The following CTIF variants were observed in gnomAD, a reference collection of about 807,000 sequenced individuals.
CTIF encodes cap binding complex dependent translation initiation factor.
A neutral mutation model predicts 66.0 loss-of-function variants in CTIF; 21 were observed. The observed-to-expected ratio is 0.32, with a 90% CI of 0.23 to 0.46. The LOEUF (loss-of-function observed/expected upper bound fraction) is 0.46, where lower values mean the gene tolerates loss of function less well. Among genes scored for constraint, CTIF ranks in the 20% least tolerant of loss-of-function variants. The pLI, the probability that CTIF is intolerant of heterozygous loss-of-function variation, is 1.00. For missense variants in CTIF, 739 were observed against 812.7 expected (o/e 0.91, Z 1.10); for synonymous variants, 345 against 326.4 (o/e 1.06, Z -0.62).
chr18:48,611,205 T>A (rs917039843), intron 1 of CTIF, among the ~76,000 whole-genome samples: 7 of 152,194 alleles, frequency 4.6e-5, no homozygotes, highest in African/African-American at 1.2e-4. Flanking sequence ...AGCATAGATA[T>A]CAGGAACTAC....
At chr18:48,595,320 C>G (rs2144044406) in intron 1 of CTIF, among the ~76,000 whole-genome samples, 1 of 152,300 alleles carries the variant, frequency 6.6e-6, no homozygotes, top group South Asian at 2.1e-4. Context: ...CCTTCCAGGT[C>G]TCAGTTAGGA....
chr18:48,711,706 C>A lies in CTIF; in HGVS notation c.584+11C>A. The A allele has an allele frequency of 6.2e-7, 1 of 1,611,654 alleles. No homozygotes were observed. Among genetic ancestry groups the A allele is most frequent in the Non-Finnish European group, 8.5e-7 (1 of 1,177,778 alleles). The stretch of plus-strand genomic sequence containing the variant: ...GAGAAATGATCGAAGGTAGGAGAGA[C>A]TTCGTCGTGAGCTTTGGGTTTTCCT... On this transcript the variant is annotated intron_variant, in intron 7 of 11. Transcript: ENST00000256413.
intron 1 of CTIF, among the ~76,000 whole-genome samples, chr18:48,547,433 T>G (rs2088777845): frequency 2.0e-5 from 3 of 152,160 alleles, no homozygotes; most frequent in South Asian, 4.1e-4. Flanking sequence ...GTTCCTACAG[T>G]TTCAAACTCA....
Position 48,619,528 on chromosome 18 carries a change from T to C in CTIF, c.-28-10T>C, listed in dbSNP as rs1397450289. ...CGTCTCACGGAGTTCTCTGTCCTCTTTCCCACCAGTCCCGGCCCAGGCCCC... is the reference window on the plus strand; with the variant it reads ...CGTCTCACGGAGTTCTCTGTCCTCTCTCCCACCAGTCCCGGCCCAGGCCCC... On this transcript the variant is annotated splice_polypyrimidine_tract_variant and intron_variant, in intron 1 of 11. Coordinates refer to ENST00000256413, the MANE Select transcript of CTIF (RefSeq NM_014772.3). 7.0e-7 allele frequency: 1 copy of C among 1,423,930 alleles called. No individual in the cohort carries two copies. The highest frequency in any genetic ancestry group is 2.7e-5 in the East Asian group (1 of 37,346). 88.2% of individuals were successfully genotyped at this position (1,423,930 alleles called of 1,614,324 possible).
At chr18:48,655,842 C>T (rs777644828) in intron 3 of CTIF, among the ~76,000 whole-genome samples, 6 of 152,312 alleles carry the variant, frequency 3.9e-5, no homozygotes, top group Non-Finnish European at 5.9e-5. Context: ...TCCCATTCAG[C>T]CTAGTTTCTA....
intron 1 of CTIF, among the ~76,000 whole-genome samples, chr18:48,592,341 T>C (rs936616653): frequency 1.2e-4 from 18 of 151,612 alleles, no homozygotes; most frequent in African/African-American, 4.4e-4. Context: ...TACTAAAAAC[T>C]ACAAAATTAG....
intron 6 of CTIF, among the ~76,000 whole-genome samples, chr18:48,707,326 G>A (rs1568152950): frequency 6.6e-6 from 1 of 152,268 alleles, no homozygotes; most frequent in Admixed American, 6.5e-5. Context: ...ATCTCCCCTG[G>A]CCAGGCCACC....
At position 48,729,595 on chromosome 18, in the gene CTIF, G is replaced by A. The variant is rs552009128; in HGVS notation, c.584+17900G>A. On this transcript the variant is annotated intron_variant, in intron 7 of 11. Transcript: ENST00000256413. ...AGAAAGGTGATGCGATTTACTCCAG[G>A]CCTTGCAGAGCTGAGGCTGGTCCCA... is the stretch of plus-strand genomic sequence containing the variant. Among the ~76,000 whole-genome samples, 3 of 152,336 alleles carry A rather than the reference G, an allele frequency of 2.0e-5. No homozygotes were observed. In the South Asian group the frequency reaches 6.2e-4, roughly 32 times the overall value.
intron 1 of CTIF, among the ~76,000 whole-genome samples, chr18:48,590,916 G>C (rs1014435306): frequency 6.6e-6 from 1 of 151,886 alleles, no homozygotes; most frequent in African/African-American, 2.4e-5. Flanking sequence ...CAGCCATGGA[G>C]TGAGAGTTGG....
chr18:48,741,906 G>A (rs534108780), intron 7 of CTIF, among the ~76,000 whole-genome samples: 60 of 152,266 alleles, frequency 3.9e-4, no homozygotes, highest in African/African-American at 1.3e-3. Context: ...AGTGCCACTG[G>A]GACCAAGGGC....
chr18:48,676,318 G>T (rs780646629), intron 6 of CTIF, among the ~76,000 whole-genome samples: 3 of 152,176 alleles, frequency 2.0e-5, no homozygotes, highest in Non-Finnish European at 2.9e-5. Context: ...TCCTGCCCAG[G>T]GCTTTCTATC....
intron 3 of CTIF, among the ~76,000 whole-genome samples, chr18:48,657,987 G>C (rs1238510616): frequency 1.3e-5 from 2 of 152,120 alleles, no homozygotes; most frequent in African/African-American, 2.4e-5. Flanking sequence ...AGGTGGGTCT[G>C]TTTCCTGGTG....
chr18:48,661,223 G>A (rs947972373), intron 3 of CTIF, among the ~76,000 whole-genome samples: 1 of 152,212 alleles, frequency 6.6e-6, no homozygotes, highest in East Asian at 1.9e-4. Context: ...ATCCACTGAA[G>A]CTGAATTTAT....
chr18:48,677,605 G>T (rs200717015), intron 6 of CTIF, among the ~76,000 whole-genome samples: 2 of 152,162 alleles, frequency 1.3e-5, no homozygotes, highest in African/African-American at 2.4e-5. Flanking sequence ...TTTACAGACC[G>T]ATGTCTTTGG....
rs3830253 is a variant in CTIF, at chr18:48,670,485, A to AC, written c.432-174dup. 3,501 of 518,266 alleles carry AC rather than the reference A, an allele frequency of 6.8e-3. 8 individuals carry two copies. The highest frequency in any genetic ancestry group is 0.019 in the Middle Eastern group (38 of 2,044). 32.1% of individuals were successfully genotyped at this position (518,266 alleles called of 1,614,324 possible). A position where few individuals can be genotyped will look rare whatever the true frequency, so the allele number is the denominator to read the frequency against. ...AGGTTGGCTGTTGCATTACGGGAGG[A>AC]CCCCCCCCCCACACACACACAGCTT... On this transcript the variant is annotated intron_variant, in intron 5 of 11. Transcript: ENST00000256413.
At chr18:48,810,620 C>T (rs1191914933) in intron 9 of CTIF, among the ~76,000 whole-genome samples, 1 of 151,794 alleles carries the variant, frequency 6.6e-6, no homozygotes, top group Admixed American at 6.6e-5. Context: ...ATTTAAATCA[C>T]CTAAGTCATT....
At chr18:48,720,159 A>G (rs2092319616) in intron 7 of CTIF, among the ~76,000 whole-genome samples, 1 of 152,208 alleles carries the variant, frequency 6.6e-6, no homozygotes, top group Non-Finnish European at 1.5e-5. Flanking sequence ...TGCTCTTTAA[A>G]ACAGAGTAGA....
chr18:48,827,819 C>G (rs1202417047), intron 10 of CTIF, among the ~76,000 whole-genome samples: 1 of 152,186 alleles, frequency 6.6e-6, no homozygotes, highest in African/African-American at 2.4e-5. Context: ...TTTGTCCCCT[C>G]CAGAGCTTTC....
At chr18:48,747,828 G>A (rs1218252084) in intron 7 of CTIF, among the ~76,000 whole-genome samples, 3 of 151,758 alleles carry the variant, frequency 2.0e-5, no homozygotes, top group Admixed American at 6.6e-5. Context: ...TGAGGTGGGA[G>A]GATCACCTGA....
Sources: gnomAD v4.1 joint callset for allele counts (sites outside exome capture counted in the v4.1 genomes callset) on GRCh38, gnomAD v4.1.1 for gene constraint, MANE v1.5 for transcripts, NCBI Gene and HGNC (gene_info 2026-07-23, HGNC 2026-07-21) for gene names.